Variants in SDK1 observed in about 807,000 individuals in gnomAD.
SDK1 encodes the protein protein sidekick-1.
Under a neutral mutation model 245.5 loss-of-function variants are expected in SDK1, and 157 were observed. The ratio of observed to expected loss-of-function variants is 0.64; its 90% CI spans 0.56 to 0.73. The LOEUF is 0.73. Ranked by LOEUF, SDK1 falls within the 30% of genes least tolerant of loss-of-function variation. SDK1 has a pLI of 0.00. For missense variants in SDK1, 3,583 were observed against 3,002.3 expected (o/e 1.19, Z -4.52); for synonymous variants, 1,647 against 1,278.5 (o/e 1.29, Z -6.15).
intron 35 of SDK1, among the ~76,000 whole-genome samples, chr7:4,204,121 C>G (rs1784054639): frequency 2.6e-5 from 4 of 152,256 alleles, no homozygotes; most frequent in African/African-American, 9.6e-5. Context: ...AGGGCGATGT[C>G]TCACCGACTA....
chr7:4,195,831 C>A (rs953291448), intron 35 of SDK1, among the ~76,000 whole-genome samples: 1 of 152,128 alleles, frequency 6.6e-6, no homozygotes, highest in Non-Finnish European at 1.5e-5. Flanking sequence ...CCCAGCCTCT[C>A]GGCAGCAGCA....
chr7:3,324,349 G>C (rs1445576637), intron 1 of SDK1, among the ~76,000 whole-genome samples: 1 of 152,128 alleles, frequency 6.6e-6, no homozygotes, highest in African/African-American at 2.4e-5. Flanking sequence ...CAAAGCATTA[G>C]AATATTTACT....
At chr7:3,879,269 A>T (rs1781149029) in intron 5 of SDK1, among the ~76,000 whole-genome samples, 1 of 152,228 alleles carries the variant, frequency 6.6e-6, no homozygotes, top group Non-Finnish European at 1.5e-5. Context: ...TGTGGCCTAA[A>T]ACCAAATGCT....
chr7:3,338,305 C>T, intron 1 of SDK1: 1 of 487,164 alleles, frequency 2.1e-6, no homozygotes, highest in Non-Finnish European at 3.9e-6. Flanking sequence ...CATGGCAAAA[C>T]TGCAAGAGTC....
intron 5 of SDK1, among the ~76,000 whole-genome samples, chr7:3,831,910 G>A (rs550090309): frequency 6.6e-6 from 1 of 152,172 alleles, no homozygotes; most frequent in South Asian, 2.1e-4. Context: ...AACGTGCCAG[G>A]TGTGGTAGTG....
At chr7:3,601,941 C>G (rs971029835) in intron 1 of SDK1, among the ~76,000 whole-genome samples, 9 of 150,158 alleles carry the variant, frequency 6.0e-5, no homozygotes, top group African/African-American at 2.2e-4. Flanking sequence ...GGTTTTTTGT[C>G]CTTGTGATAT....
intron 34 of SDK1, among the ~76,000 whole-genome samples, chr7:4,178,097 G>A (rs892376363): frequency 6.6e-6 from 1 of 152,226 alleles, no homozygotes; most frequent in East Asian, 1.9e-4. Flanking sequence ...GGGAGCAACT[G>A]TCAATACCAG....
At chr7:3,591,994 C>G (rs1041708547) in intron 1 of SDK1, among the ~76,000 whole-genome samples, 1 of 152,166 alleles carries the variant, frequency 6.6e-6, no homozygotes, top group Non-Finnish European at 1.5e-5. Flanking sequence ...ACAGATAGTT[C>G]TATACAGAAA....
intron 13 of SDK1, chr7:3,974,878 C>T: frequency 4.9e-6 from 1 of 204,448 alleles, no homozygotes; most frequent in Non-Finnish European, 9.9e-6. Flanking sequence ...TTCATTTTTC[C>T]ACATAATACC....
At chr7:4,075,253 A>C (rs1264421773) in intron 20 of SDK1, among the ~76,000 whole-genome samples, 1 of 152,104 alleles carries the variant, frequency 6.6e-6, no homozygotes, top group African/African-American at 2.4e-5. Context: ...CCCACACGGG[A>C]GTCCCCTCAG....
rs544476623 is a variant in SDK1 at position 4,099,732 on chromosome 7, C to T, written c.3325-10931C>T. Among the ~76,000 whole-genome samples, 5 of 146,324 alleles carry T rather than the reference C, an allele frequency of 3.4e-5. No homozygotes were observed. In the South Asian group the frequency reaches 1.1e-3, roughly 33 times the overall value. ...GTGGCTAATGCACCGTGGGCAGGGCCAAGCAGGCACAGAGTGGGGCGTGTG... is the reference window on the plus strand; with the variant it reads ...GTGGCTAATGCACCGTGGGCAGGGCTAAGCAGGCACAGAGTGGGGCGTGTG... On this transcript the variant is annotated intron_variant, in intron 22 of 44. Transcript: ENST00000404826.
rs184612185 is a variant in SDK1 at position 3,584,959 on chromosome 7, C to T, written c.299-34121C>T. On this transcript the variant is annotated intron_variant, in intron 1 of 44. Transcript: ENST00000404826. ...CAGGATGGTCCCGATCTCCTGACCT[C>T]GTAATCTGCCCTCCTCGGCCTCCCA... is the stretch of plus-strand genomic sequence containing the variant. Among the ~76,000 whole-genome samples the T allele has an allele frequency of 2.4e-3, 370 of 152,196 alleles. 3 individuals carry two copies. The highest frequency in any genetic ancestry group is 0.018 in the South Asian group (86 of 4,818).
At chr7:4,091,129 A>C (rs1781760732) in intron 22 of SDK1, among the ~76,000 whole-genome samples, 3 of 152,114 alleles carry the variant, frequency 2.0e-5, no homozygotes, top group African/African-American at 7.2e-5. Context: ...AAAGTCTAAC[A>C]TGACTGCACT....
intron 19 of SDK1, among the ~76,000 whole-genome samples, chr7:4,065,030 T>A (rs1779781025): frequency 6.6e-6 from 1 of 152,074 alleles, no homozygotes; most frequent in Non-Finnish European, 1.5e-5. Flanking sequence ...AACAATGATG[T>A]ATATTTCAAA....
At chr7:3,731,772 C>T (rs551884405) in intron 4 of SDK1, among the ~76,000 whole-genome samples, 28 of 152,212 alleles carry the variant, frequency 1.8e-4, no homozygotes, top group Middle Eastern at 6.8e-3. Context: ...GGAGAAGAAC[C>T]TCCTGCTTAT....
intron 23 of SDK1, among the ~76,000 whole-genome samples, chr7:4,111,275 C>T (rs976549857): frequency 6.6e-6 from 1 of 152,168 alleles, no homozygotes; most frequent in African/African-American, 2.4e-5. Flanking sequence ...GGCAGTAAAT[C>T]CTTGGCTTTA....
At chr7:4,063,369 A>G (rs1318269669) in intron 19 of SDK1, among the ~76,000 whole-genome samples, 3 of 152,200 alleles carry the variant, frequency 2.0e-5, no homozygotes, top group Non-Finnish European at 4.4e-5. Flanking sequence ...AAAGAAAAAC[A>G]TATCTAGGAA....
chr7:4,088,401 A>G (rs972012353), intron 22 of SDK1, among the ~76,000 whole-genome samples: 8 of 152,242 alleles, frequency 5.3e-5, no homozygotes, highest in African/African-American at 1.7e-4. Flanking sequence ...ACAATGATAG[A>G]AGACAATCTT....
Position 4,077,063 on chromosome 7 carries a change from A to G in SDK1, c.3076A>G (p.Thr1026Ala), listed in dbSNP as rs1188468866. Reference protein sequence around the residue: ...DSRLTHTLNSTTHEYKIQGLS... With the variant: ...DSRLTHTLNSATHEYKIQGLS... Reference sequence around the variant, plus strand: ...TCGTCTCACGCACACCCTGAACAGCACGACGCACGAGTACAAGATCCAAGG... The same window carrying G: ...TCGTCTCACGCACACCCTGAACAGCGCGACGCACGAGTACAAGATCCAAGG... Residue 1026 changes from threonine (T) to alanine (A), a missense_variant, in exon 21 of 45, where the codon ACG (threonine) becomes GCG (alanine). By Grantham distance (58) the Thr-to-Ala change is moderately conservative. Transcript: ENST00000404826. The G allele has an allele frequency of 6.2e-7, 1 of 1,614,184 alleles. No individual in the cohort carries two copies. Among genetic ancestry groups the G allele is most frequent in the East Asian group, 2.2e-5 (1 of 44,880 alleles).
Sources: allele counts gnomAD v4.1 joint callset (sites outside exome capture counted in the v4.1 genomes callset), GRCh38; gene constraint gnomAD v4.1.1; transcripts MANE v1.5; gene names NCBI Gene and HGNC (gene_info 2026-07-23, HGNC 2026-07-21).